NXPE4: variants seen among roughly 807,000 people sequenced by gnomAD.
The protein encoded by NXPE4 is neurexophilin and PC-esterase domain family member 4.
A neutral mutation model predicts 33.3 loss-of-function variants in NXPE4; 42 were observed. The observed-to-expected ratio is 1.26, with a 90% CI of 0.98 to 1.63. The LOEUF (loss-of-function observed/expected upper bound fraction) is 1.63. NXPE4 is among the 40% of genes most tolerant of loss of function. The probability of loss-of-function intolerance (pLI) is 0.00; values close to 1 mark genes in which losing one functional copy is unlikely to be tolerated. For missense variants in NXPE4, 709 were observed against 647.6 expected, an observed-to-expected ratio of 1.09 and a Z score of -1.03; for synonymous variants, 253 against 234.9, an observed-to-expected ratio of 1.08 and a Z score of -0.71.
chr11:114,631,981 T>C, the NXPE4 span, among the ~76,000 whole-genome samples: 1 of 149,334 alleles, frequency 6.7e-6, no homozygotes, highest in Non-Finnish European at 1.5e-5. Context: ...ATAATAAATA[T>C]TGCCTCATAG....
At chr11:114,607,486 C>G in the NXPE4 span, among the ~76,000 whole-genome samples, 1 of 151,760 alleles carries the variant, frequency 6.6e-6, no homozygotes, top group Non-Finnish European at 1.5e-5. Context: ...TGGGTGAACA[C>G]CATTACCGGC....
In NXPE4 at chr11:114,593,436, T is replaced by C. The variant is rs564139918; in HGVS notation, c.96+1228A>G. On this transcript the variant is annotated intron_variant, in intron 2 of 5. Transcript: ENST00000375478. ...GTATATGAAAAGGTGCTCAACATCA[T>C]TGATCATCAGAGAAACACAAATCAA... Among the ~76,000 whole-genome samples, 15 of 152,250 alleles carry C rather than the reference T, an allele frequency of 9.9e-5. No individual in the cohort carries two copies. In the South Asian group the frequency reaches 1.0e-3, roughly 11 times the overall value.
chr11:114,611,173 A>T, the NXPE4 span, among the ~76,000 whole-genome samples: 1 of 151,120 alleles, frequency 6.6e-6, no homozygotes, highest in Non-Finnish European at 1.5e-5. Flanking sequence ...GGACTGTCTC[A>T]TGGGTAACCA....
At chr11:114,665,269 G>A in the NXPE4 span, among the ~76,000 whole-genome samples, 6 of 152,202 alleles carry the variant, frequency 3.9e-5, no homozygotes, top group African/African-American at 1.4e-4. Context: ...CCAGCTTTAA[G>A]TCATTTGAAA....
At chr11:114,603,524 C>T in the NXPE4 span, among the ~76,000 whole-genome samples, 253 of 147,646 alleles carry the variant, frequency 1.7e-3, 1 homozygote, top group African/African-American at 6.1e-3. Flanking sequence ...AGTATTGCCT[C>T]GTCTCCCAGG....
chr11:114,607,328 G>A, the NXPE4 span, among the ~76,000 whole-genome samples: 132 of 151,992 alleles, frequency 8.7e-4, 1 homozygote, highest in Middle Eastern at 3.4e-3. Context: ...TTGTTAGCCC[G>A]TTGATACTAA....
chr11:114,631,723 T>A, the NXPE4 span, among the ~76,000 whole-genome samples: 1 of 151,534 alleles, frequency 6.6e-6, no homozygotes, highest in Non-Finnish European at 1.5e-5. Flanking sequence ...CGGTGGGTAA[T>A]AAGTATTGCC....
chr11:114,674,023 G>C, the NXPE4 span, among the ~76,000 whole-genome samples: 53 of 151,820 alleles, frequency 3.5e-4, no homozygotes, highest in African/African-American at 1.2e-3. Context: ...GATGATGATG[G>C]GATTAGTGGA....
the NXPE4 span, among the ~76,000 whole-genome samples, chr11:114,609,312 G>A: frequency 0.18 from 26,856 of 151,308 alleles, 2,791 homozygotes; most frequent in Non-Finnish European, 0.22. Context: ...GTATTGCCTC[G>A]TGGGTAACCA....
chr11:114,609,773 C>T, the NXPE4 span, among the ~76,000 whole-genome samples: 12,894 of 151,530 alleles, frequency 0.085, 687 homozygotes, highest in Middle Eastern at 0.21. Flanking sequence ...AGTATTGCCT[C>T]GCGGGTAACC....
the NXPE4 span, among the ~76,000 whole-genome samples, chr11:114,634,813 A>G: frequency 1.3e-5 from 2 of 151,916 alleles, no homozygotes; most frequent in Admixed American, 6.6e-5. Flanking sequence ...GTTCTGTTCC[A>G]TTGATGTATA....
chr11:114,594,790 A>G (rs1340240237), intron 1 of NXPE4, 21 bp from the exon 2 acceptor site: 1 of 1,200,218 alleles, frequency 8.3e-7, no homozygotes, highest in Non-Finnish European at 1.2e-6. Flanking sequence ...CAATACAAAA[A>G]CAAGCACAAA....
chr11:114,655,131 AAGT>A, the NXPE4 span, among the ~76,000 whole-genome samples: 13,409 of 152,060 alleles, frequency 0.088, 730 homozygotes, highest in Middle Eastern at 0.2. Context: ...TTCTTTCGAG[AAGT>A]GTCTGTTCAT....
the NXPE4 span, among the ~76,000 whole-genome samples, chr11:114,649,129 A>AT: frequency 1.4e-5 from 2 of 140,530 alleles, no homozygotes; most frequent in Admixed American, 7.3e-5. Flanking sequence ...TCAGCTTGTC[A>AT]TGTTTTTTTT....
chr11:114,638,892 G>C, the NXPE4 span, among the ~76,000 whole-genome samples: 1 of 148,324 alleles, frequency 6.7e-6, no homozygotes, highest in Admixed American at 6.7e-5. Context: ...GTGCCTCCTA[G>C]TTAGGCTGCT....
the NXPE4 span, among the ~76,000 whole-genome samples, chr11:114,628,838 A>T: frequency 6.6e-6 from 1 of 151,974 alleles, no homozygotes; most frequent in African/African-American, 2.4e-5. Context: ...GATAAAGGGG[A>T]TATCACCACC....
the NXPE4 span, among the ~76,000 whole-genome samples, chr11:114,625,388 G>A: frequency 2.0e-5 from 3 of 152,102 alleles, no homozygotes; most frequent in Non-Finnish European, 4.4e-5. Flanking sequence ...CTGTTACCCA[G>A]TGGATAATAA....
intron 2 of NXPE4, among the ~76,000 whole-genome samples, chr11:114,585,806 T>C (rs10891712): frequency 0.18 from 28,094 of 151,998 alleles, 2,878 homozygotes; most frequent in African/African-American, 0.27. Context: ...GCTGCAAACA[T>C]AGATAAGCCA....
the NXPE4 span, among the ~76,000 whole-genome samples, chr11:114,659,492 G>T: frequency 4.6e-5 from 7 of 150,888 alleles, no homozygotes; most frequent in Non-Finnish European, 1.0e-4. Flanking sequence ...CCCTAGAGAT[G>T]TGAAATAATA....
Sources: allele counts gnomAD v4.1 joint callset (sites outside exome capture counted in the v4.1 genomes callset), GRCh38; gene constraint gnomAD v4.1.1; transcripts MANE v1.5; gene names NCBI Gene and HGNC (gene_info 2026-07-23, HGNC 2026-07-21).